ARHGEF4: variants seen among roughly 807,000 people sequenced by gnomAD.
ARHGEF4 encodes the protein APC-stimulated guanine nucleotide exchange factor 1.
A neutral mutation model predicts 162.0 loss-of-function variants in ARHGEF4; 119 were observed. The ratio of observed to expected loss-of-function variants is 0.73; its 90% confidence interval spans 0.63 to 0.86. The LOEUF (loss-of-function observed/expected upper bound fraction) is 0.86, where lower values mean the gene tolerates loss of function less well. Ranked by LOEUF, ARHGEF4 falls within the 40% of genes least tolerant of loss-of-function variation. ARHGEF4 has a pLI of 0.00. For missense variants in ARHGEF4, 2,488 were observed against 2,456.0 expected, an observed-to-expected ratio of 1.01 and a Z score of -0.28; for synonymous variants, 1,014 against 979.9, an observed-to-expected ratio of 1.03 and a Z score of -0.65.
Position 130,915,648 on chromosome 2 carries a change from G to T in ARHGEF4, c.1702G>T (p.Ala568Ser), listed in dbSNP as rs1261404214. The T allele has an allele frequency of 6.5e-7, 1 of 1,550,366 alleles. No homozygotes were observed. The highest frequency in any genetic ancestry group is 8.7e-7 in the Non-Finnish European group (1 of 1,147,002). The stretch of plus-strand genomic sequence containing the variant: ...AAGCGCAATAGACACTTCAAAGGCA[G>T]CCGAAGAAGCCATGGTTCTAGACCC... ...KSSAIDTSKA[A>S]EEAMVLDPNY... Residue 568 changes from alanine (A) to serine (S), a missense_variant, in exon 2 of 14, where the codon GCC becomes TCC. Ala to Ser is a moderately conservative substitution (Grantham distance 99). This residue lies in a region of ARHGEF4 where 1,642 missense variants were observed against 1,481.5 expected (regional missense o/e 1.11). Coordinates refer to ENST00000409359, the MANE Select transcript of ARHGEF4 (RefSeq NM_001367493.1).
At chr2:130,881,552 G>C in intron 1 of ARHGEF4, among the ~76,000 whole-genome samples, 1 of 150,952 alleles carries the variant, frequency 6.6e-6, no homozygotes, top group East Asian at 1.9e-4. Flanking sequence ...CAAGTGACTT[G>C]AGACCTTGGG....
chr2:130,900,055 T>C (rs757836651), intron 1 of ARHGEF4, among the ~76,000 whole-genome samples: 5 of 152,234 alleles, frequency 3.3e-5, no homozygotes, highest in Non-Finnish European at 5.9e-5. Context: ...GTTGTTGATT[T>C]CCTGTTTGAT....
chr2:130,936,905 C>CTTTTTTTTTTTTTTTT (rs36086542), intron 3 of ARHGEF4, among the ~76,000 whole-genome samples: 21 of 82,300 alleles, frequency 2.6e-4, no homozygotes, highest in Admixed American at 3.1e-4. Context: ...TTTCTTTTTT[C>CTTTTTTTTTTTTTTTT]TTTTTTTTTT....
intron 4 of ARHGEF4, among the ~76,000 whole-genome samples, chr2:130,971,213 A>G (rs1685338657): frequency 6.6e-6 from 1 of 152,238 alleles, no homozygotes; most frequent in Non-Finnish European, 1.5e-5. Flanking sequence ...TCAAAAAACA[A>G]CAGTCTATAT....
chr2:130,945,547 CT>C (rs1683560184), intron 3 of ARHGEF4, among the ~76,000 whole-genome samples: 1 of 152,160 alleles, frequency 6.6e-6, no homozygotes, highest in African/African-American at 2.4e-5. Context: ...CCTTTTCCCT[CT>C]CTTCAGATCT....
At chr2:130,867,927 T>C (rs1252598182) in intron 1 of ARHGEF4, among the ~76,000 whole-genome samples, 2 of 147,388 alleles carry the variant, frequency 1.4e-5, no homozygotes, top group African/African-American at 5.1e-5. Context: ...TTTTTTCTTT[T>C]TTTTTTTTCT....
At chr2:131,045,688 C>A in intron 13 of ARHGEF4, 1 of 1,466,718 alleles carries the variant, frequency 6.8e-7, no homozygotes, top group East Asian at 2.4e-5. Context: ...CCATTGGTGA[C>A]AATGCTTGTT....
At chr2:130,924,374 C>T (rs1431961611) in intron 2 of ARHGEF4, among the ~76,000 whole-genome samples, 1 of 151,002 alleles carries the variant, frequency 6.6e-6, no homozygotes, top group Admixed American at 6.6e-5. Flanking sequence ...TCGAATTATT[C>T]TCCTGCCTCA....
chr2:131,039,954 G>A (rs1415755597), intron 6 of ARHGEF4, 62 bp from the exon 7 acceptor site: 3 of 1,526,786 alleles, frequency 2.0e-6, no homozygotes, highest in East Asian at 2.5e-5. Flanking sequence ...CCGCTGCGGC[G>A]CAGGGCGCGG....
chr2:130,864,491 G>A (rs1158204239), intron 1 of ARHGEF4, among the ~76,000 whole-genome samples: 1 of 152,298 alleles, frequency 6.6e-6, no homozygotes. Flanking sequence ...TTGGGAGGCC[G>A]AGGCAGGCGA....
intron 2 of ARHGEF4, among the ~76,000 whole-genome samples, chr2:130,923,474 A>AC (rs2105079538): frequency 6.6e-6 from 1 of 152,278 alleles, no homozygotes; most frequent in South Asian, 2.1e-4. Flanking sequence ...AGCATTACTG[A>AC]CCAGTCTACC....
chr2:130,885,503 C>T (rs1679456901), intron 1 of ARHGEF4, among the ~76,000 whole-genome samples: 1 of 150,394 alleles, frequency 6.6e-6, no homozygotes, highest in Non-Finnish European at 1.5e-5. Context: ...CCCACACATG[C>T]TTTTTGTAGT....
At chr2:131,045,542 C>G (rs759657363) in intron 13 of ARHGEF4, 96 bp downstream of exon 13, 4 of 1,612,156 alleles carry the variant, frequency 2.5e-6, no homozygotes, top group Non-Finnish European at 3.4e-6. Context: ...CAGCTAGCCA[C>G]CAGGCCTGAG....
chr2:130,838,643 A>G (rs1680381037), intron 1 of ARHGEF4, among the ~76,000 whole-genome samples: 1 of 149,598 alleles, frequency 6.7e-6, no homozygotes, highest in South Asian at 2.2e-4. Flanking sequence ...GAAGGAAGGA[A>G]AGGAAGGAAG....
chr2:130,907,069 A>G (rs530889842), intron 1 of ARHGEF4, among the ~76,000 whole-genome samples: 1 of 152,244 alleles, frequency 6.6e-6, no homozygotes, highest in Admixed American at 6.5e-5. Flanking sequence ...TGATCTGTTT[A>G]CCATCCCTGT....
At chr2:130,942,614 C>T (rs1420698321) in intron 3 of ARHGEF4, among the ~76,000 whole-genome samples, 1 of 152,116 alleles carries the variant, frequency 6.6e-6, no homozygotes, top group Non-Finnish European at 1.5e-5. Context: ...AATAATAACG[C>T]ATACGTTGAG....
rs12616999 is a variant in ARHGEF4, at chr2:130,892,079, C to T, written c.40-21907C>T. 1.5e-3 allele frequency among the ~76,000 whole-genome samples: 232 copies of T among 152,246 alleles called. 1 individual carries two copies. The East Asian group carries it at 0.039, about 26-fold the overall frequency. ...GGTGCAAGTGCTCCTCCTACCTCAGCTGGGATTACAGGCATGAGCTGCCGC... is the reference window on the plus strand; with the variant it reads ...GGTGCAAGTGCTCCTCCTACCTCAGTTGGGATTACAGGCATGAGCTGCCGC... On this transcript the variant is annotated intron_variant, in intron 1 of 13. Transcript: ENST00000409359.
At chr2:130,844,560 C>T (rs192127818) in intron 1 of ARHGEF4, among the ~76,000 whole-genome samples, 2 of 152,244 alleles carry the variant, frequency 1.3e-5, no homozygotes, top group Admixed American at 6.5e-5. Context: ...TGCCCATGCT[C>T]GAGAAGAGGT....
At chr2:130,899,768 G>T (rs1232764532) in intron 1 of ARHGEF4, among the ~76,000 whole-genome samples, 1 of 152,110 alleles carries the variant, frequency 6.6e-6, no homozygotes, top group Non-Finnish European at 1.5e-5. Flanking sequence ...AGTGTGATTT[G>T]ATTGGAATCC....
Sources: gnomAD v4.1 joint callset for allele counts (sites outside exome capture counted in the v4.1 genomes callset) on GRCh38, gnomAD v4.1.1 for gene constraint, gnomAD v4.1.1 regional missense constraint, MANE v1.5 for transcripts, NCBI Gene and HGNC (gene_info 2026-07-23, HGNC 2026-07-21) for gene names.